WASF3: variants seen among roughly 807,000 people sequenced by gnomAD.
WASF3 encodes actin-binding protein WASF3.
WASF3 carries 11 observed loss-of-function variants against 46.6 expected under a neutral mutation model. The ratio of observed to expected loss-of-function variants is 0.24; its 90% CI spans 0.15 to 0.39. The LOEUF (loss-of-function observed/expected upper bound fraction) is 0.39. WASF3 is among the 10% of genes least tolerant of loss of function. WASF3 has a pLI of 1.00. For synonymous variants in WASF3, 242 were observed against 259.7 expected (o/e 0.93, Z 0.65); for missense variants, 576 against 669.8 (o/e 0.86, Z 1.55).
chr13:26,638,250 C>T (rs1881890519), intron 2 of WASF3: 1 of 152,176 alleles, frequency 6.6e-6, no homozygotes, highest in East Asian at 1.9e-4. Flanking sequence ...AAGACAGCAG[C>T]CAGACCAAGC....
chr13:26,543,771 G>A, the WASF3 span, among the ~76,000 whole-genome samples: 3 of 152,164 alleles, frequency 2.0e-5, no homozygotes, highest in Non-Finnish European at 2.9e-5. Context: ...GTGGGGCACC[G>A]ATAGTTTCCC....
chr13:26,557,876 G>C (rs1198050664), intron 1 of WASF3, 57 bp downstream of exon 1: 1 of 296,150 alleles, frequency 3.4e-6, no homozygotes, highest in Non-Finnish European at 6.2e-6. Context: ...TGGCCCTCTC[G>C]GCTCCGGGCC....
intron 2 of WASF3, among the ~76,000 whole-genome samples, chr13:26,616,507 A>G (rs904427359): frequency 6.6e-6 from 1 of 152,118 alleles, no homozygotes; most frequent in Non-Finnish European, 1.5e-5. Context: ...TCAGATCTTT[A>G]TCAGATATAT....
At chr13:26,611,916 T>C (rs958335631) in intron 1 of WASF3, among the ~76,000 whole-genome samples, 1 of 151,876 alleles carries the variant, frequency 6.6e-6, no homozygotes, top group Non-Finnish European at 1.5e-5. Flanking sequence ...CTACATAGAA[T>C]TCATGGGGGT....
intron 2 of WASF3, among the ~76,000 whole-genome samples, chr13:26,622,391 T>G (rs1881333560): frequency 6.6e-6 from 1 of 152,220 alleles, no homozygotes; most frequent in Non-Finnish European, 1.5e-5. Flanking sequence ...TTAATGCAGT[T>G]AACATGTTAC....
At chr13:26,629,839 C>G (rs933656736) in intron 2 of WASF3, among the ~76,000 whole-genome samples, 1 of 152,092 alleles carries the variant, frequency 6.6e-6, no homozygotes, top group African/African-American at 2.4e-5. Context: ...CATGCCTGGA[C>G]CCCTGGTTCT....
chr13:26,603,692 A>G (rs1004503440), intron 1 of WASF3, among the ~76,000 whole-genome samples: 8 of 152,170 alleles, frequency 5.3e-5, no homozygotes, highest in African/African-American at 1.9e-4. Context: ...AAAACTTTAA[A>G]AAAGGGAAAC....
chr13:26,605,538 C>G (rs1208532252), intron 1 of WASF3, among the ~76,000 whole-genome samples: 1 of 151,986 alleles, frequency 6.6e-6, no homozygotes, highest in East Asian at 1.9e-4. Flanking sequence ...ATAACTTTCA[C>G]AAATGTTTTT....
chr13:26,654,808 A>G (rs957985127), intron 3 of WASF3, among the ~76,000 whole-genome samples: 1 of 152,146 alleles, frequency 6.6e-6, no homozygotes, highest in East Asian at 1.9e-4. Flanking sequence ...CATTTTTCCT[A>G]CCGTTTACTT....
chr13:26,584,345 T>C (rs1049819779), intron 1 of WASF3, among the ~76,000 whole-genome samples: 1 of 152,198 alleles, frequency 6.6e-6, no homozygotes, highest in African/African-American at 2.4e-5. Context: ...TGGGAAATAC[T>C]AAGACTTCTT....
At chr13:26,677,230 GAGA>G (rs1883093341) in intron 7 of WASF3, among the ~76,000 whole-genome samples, 1 of 152,146 alleles carries the variant, frequency 6.6e-6, no homozygotes, top group Non-Finnish European at 1.5e-5. Context: ...CTGATTTCAG[GAGA>G]AGAATTCTAT....
intron 1 of WASF3, among the ~76,000 whole-genome samples, chr13:26,594,646 C>G (rs981800451): frequency 6.6e-6 from 1 of 152,198 alleles, no homozygotes; most frequent in Non-Finnish European, 1.5e-5. Flanking sequence ...CGCCTGTTTT[C>G]TATTCCTTTC....
intron 3 of WASF3, among the ~76,000 whole-genome samples, chr13:26,642,939 G>A (rs980274351): frequency 4.6e-5 from 7 of 152,242 alleles, no homozygotes; most frequent in East Asian, 1.9e-4. Context: ...ACTGATTTCT[G>A]CATTGAGGTG....
intron 1 of WASF3, among the ~76,000 whole-genome samples, chr13:26,585,015 T>C (rs1421706585): frequency 6.6e-6 from 1 of 152,040 alleles, no homozygotes; most frequent in Non-Finnish European, 1.5e-5. Flanking sequence ...GGCAGATCCC[T>C]GCCTGACTCA....
chr13:26,578,877 G>A (rs1463649306), intron 1 of WASF3, among the ~76,000 whole-genome samples: 2 of 151,672 alleles, frequency 1.3e-5, no homozygotes, highest in African/African-American at 4.9e-5. Context: ...ATGGATATTG[G>A]ATTTTGGGAA....
intron 1 of WASF3, among the ~76,000 whole-genome samples, chr13:26,589,048 T>G (rs1276798226): frequency 1.3e-5 from 2 of 152,114 alleles, no homozygotes; most frequent in African/African-American, 2.4e-5. Context: ...CTTGCCTCAG[T>G]CTCTCAAAGT....
At chr13:26,567,267 A>G (rs1316546722) in intron 1 of WASF3, among the ~76,000 whole-genome samples, 6 of 152,280 alleles carry the variant, frequency 3.9e-5, no homozygotes, top group African/African-American at 1.2e-4. Context: ...TGTATAGAAG[A>G]TAGTTTGAAG....
At position 26,641,726 on chromosome 13, in the gene WASF3, T is replaced by A. The variant is rs1237314494; in HGVS notation, c.-10-535T>A. On this transcript the variant is annotated intron_variant, in intron 2 of 9. Coordinates refer to ENST00000335327, the MANE Select transcript of WASF3 (RefSeq NM_006646.6). ...GATGAGATGATCTAGTAAGTTTTAG[T>A]TTTTTAATACTACCTGGAAGGCCGG... Among the ~76,000 whole-genome samples the A allele has an allele frequency of 2.6e-5, 4 of 152,274 alleles. No individual in the cohort carries two copies. In the East Asian group the frequency reaches 7.7e-4, roughly 29 times the overall value.
rs141635922 is a variant in WASF3, at chr13:26,629,512, T to G, written c.-10-12749T>G. Among the ~76,000 whole-genome samples the G allele has an allele frequency of 3.1e-3, 473 of 152,344 alleles. 4 individuals carry two copies. The highest frequency in any genetic ancestry group is 0.011 in the African/African-American group (456 of 41,590). On this transcript the variant is annotated intron_variant, in intron 2 of 9. Coordinates refer to ENST00000335327, the MANE Select transcript of WASF3 (RefSeq NM_006646.6). The stretch of plus-strand genomic sequence containing the variant: ...CTCTGAGGGCCATCCTGAGTACTGC[T>G]GCAGCACACACAGTCCATTTTTGAC...
Sources: allele counts gnomAD v4.1 joint callset (sites outside exome capture counted in the v4.1 genomes callset), GRCh38; gene constraint gnomAD v4.1.1; transcripts MANE v1.5; gene names NCBI Gene and HGNC (gene_info 2026-07-23, HGNC 2026-07-21).